The following GHR variants were observed in gnomAD, a reference collection of about 807,000 sequenced individuals.
The protein encoded by GHR is growth hormone receptor, also known as GH receptor.
Under a neutral mutation model 67.1 loss-of-function variants are expected in GHR, and 35 were observed. The ratio of observed to expected loss-of-function variants is 0.52; its 90% confidence interval spans 0.40 to 0.69. The LOEUF is 0.69. Ranked by LOEUF, GHR falls within the 30% of genes least tolerant of loss-of-function variation. GHR has a pLI of 0.00. For synonymous variants in GHR, 272 were observed against 269.1 expected (o/e 1.01, Z -0.10); for missense variants, 792 against 764.6 (o/e 1.04, Z -0.42).
At chr5:42,483,950 C>G (rs562793482) in intron 1 of GHR, among the ~76,000 whole-genome samples, 1 of 152,116 alleles carries the variant, frequency 6.6e-6, no homozygotes, top group Non-Finnish European at 1.5e-5. Context: ...GTGCTTAGAA[C>G]CAGCCTACTG....
At chr5:42,509,879 G>T (rs1011547209) in intron 1 of GHR, among the ~76,000 whole-genome samples, 1 of 152,192 alleles carries the variant, frequency 6.6e-6, no homozygotes. Flanking sequence ...TGGAAAATCA[G>T]TATCTGATGG....
intron 3 of GHR, among the ~76,000 whole-genome samples, chr5:42,683,086 C>T (rs1756968253): frequency 6.6e-6 from 1 of 152,118 alleles, no homozygotes; most frequent in Non-Finnish European, 1.5e-5. Flanking sequence ...ACTGCAAACT[C>T]CGCTTCCCAG....
At chr5:42,573,189 T>A (rs1370848608) in intron 2 of GHR, among the ~76,000 whole-genome samples, 1 of 152,188 alleles carries the variant, frequency 6.6e-6, no homozygotes, top group Non-Finnish European at 1.5e-5. Context: ...GACCTTTGAT[T>A]TCCTCAGTTC....
At position 42,660,361 on chromosome 5, in the gene GHR, C is replaced by T. The variant is rs1338155720; in HGVS notation, c.137-28529C>T. ...AGCAGCCTAACTGGGAGACACCCCT[C>T]AGTAGGGGCAGACTGACACCTCACA... is the stretch of plus-strand genomic sequence containing the variant. On this transcript the variant is annotated intron_variant, in intron 3 of 9. Coordinates refer to ENST00000230882, the MANE Select transcript of GHR (RefSeq NM_000163.5). Among the ~76,000 whole-genome samples, 5 of 152,270 alleles carry T rather than the reference C, an allele frequency of 3.3e-5. No homozygotes were observed. The East Asian group carries it at 9.7e-4, about 29-fold the overall frequency.
chr5:42,495,639 G>A (rs1667892474), intron 1 of GHR, among the ~76,000 whole-genome samples: 1 of 152,078 alleles, frequency 6.6e-6, no homozygotes, highest in Admixed American at 6.6e-5. Flanking sequence ...ACAGACATAT[G>A]GGATGGTAGG....
chr5:42,697,994 G>C (rs1220989469), intron 5 of GHR, among the ~76,000 whole-genome samples: 1 of 152,130 alleles, frequency 6.6e-6, no homozygotes, highest in African/African-American at 2.4e-5. Context: ...ATGTGGATTA[G>C]TGAGGAAAAG....
chr5:42,550,566 C>A (rs1374606364), intron 1 of GHR, among the ~76,000 whole-genome samples: 1 of 152,178 alleles, frequency 6.6e-6, no homozygotes, highest in African/African-American at 2.4e-5. Flanking sequence ...GATTGGTGTT[C>A]TGTCCTGAAC....
intron 1 of GHR, among the ~76,000 whole-genome samples, chr5:42,556,089 G>A (rs954039197): frequency 6.6e-6 from 1 of 151,984 alleles, no homozygotes; most frequent in African/African-American, 2.4e-5. Context: ...TACCTTCAAA[G>A]AATAACTTTA....
At chr5:42,463,875 C>G (rs1313918254) in intron 1 of GHR, among the ~76,000 whole-genome samples, 2 of 147,946 alleles carry the variant, frequency 1.4e-5, no homozygotes, top group African/African-American at 2.5e-5. Flanking sequence ...CGCCTGTAGT[C>G]CCAGCTACTT....
intron 1 of GHR, among the ~76,000 whole-genome samples, chr5:42,439,672 A>G (rs1205525196): frequency 1.3e-5 from 2 of 151,884 alleles, no homozygotes; most frequent in Non-Finnish European, 2.9e-5. Flanking sequence ...TTGGATCATC[A>G]TAAGTCCTTA....
chr5:42,542,773 T>TA (rs886301246), intron 1 of GHR, among the ~76,000 whole-genome samples: 3 of 152,074 alleles, frequency 2.0e-5, no homozygotes, highest in Non-Finnish European at 4.4e-5. Flanking sequence ...CACCTTTTTT[T>TA]ATCCCTCAGC....
At chr5:42,609,993 A>G (rs996310372) in intron 2 of GHR, among the ~76,000 whole-genome samples, 1 of 152,170 alleles carries the variant, frequency 6.6e-6, no homozygotes, top group African/African-American at 2.4e-5. Flanking sequence ...AAGGGCCTTG[A>G]CAGCTAAGGC....
chr5:42,679,917 G>A (rs1561221958), intron 3 of GHR, among the ~76,000 whole-genome samples: 1 of 152,036 alleles, frequency 6.6e-6, no homozygotes, highest in Non-Finnish European at 1.5e-5. Flanking sequence ...GATGTTGAAT[G>A]CAGTAACTTC....
At chr5:42,493,558 A>G (rs1412443545) in intron 1 of GHR, among the ~76,000 whole-genome samples, 3 of 152,142 alleles carry the variant, frequency 2.0e-5, no homozygotes, top group Non-Finnish European at 2.9e-5. Flanking sequence ...TTAACACATA[A>G]TGGGTCATGC....
chr5:42,498,232 C>T (rs934810820), intron 1 of GHR, among the ~76,000 whole-genome samples: 1 of 152,152 alleles, frequency 6.6e-6, no homozygotes, highest in Non-Finnish European at 1.5e-5. Flanking sequence ...AGGTCTGTAC[C>T]AGTTGACACC....
At chr5:42,681,861 G>A (rs1274728262) in intron 3 of GHR, among the ~76,000 whole-genome samples, 5 of 151,382 alleles carry the variant, frequency 3.3e-5, no homozygotes, top group Non-Finnish European at 2.9e-5. Flanking sequence ...GCATGAACCC[G>A]GGAGGCGGAG....
At position 42,424,312 on chromosome 5, in the gene GHR, G is replaced by A. The variant is rs1001552283; in HGVS notation, c.-12+357G>A. ...CTGGCCCGCGAGTAGTGTACGTGGAGGGGTTTACTCCGGAGACAGTTTTGT... is the reference window on the plus strand; with the variant it reads ...CTGGCCCGCGAGTAGTGTACGTGGAAGGGTTTACTCCGGAGACAGTTTTGT... On this transcript the variant is annotated intron_variant, in intron 1 of 9. Coordinates refer to ENST00000230882, the MANE Select transcript of GHR (RefSeq NM_000163.5). This position sits in a 1 kb window ranked among gnomAD's most constrained non-coding sequence, Gnocchi z 4.1. 1 of 534,052 alleles carries A rather than the reference G, an allele frequency of 1.9e-6. No homozygotes were observed. Among genetic ancestry groups the A allele is most frequent in the Non-Finnish European group, 3.4e-6 (1 of 295,312 alleles). The allele number at this position is 534,052 out of a possible 1,614,324, so 33.1% of individuals were successfully genotyped here. A position where few individuals can be genotyped will look rare whatever the true frequency, so the allele number is the denominator to read the frequency against.
intron 3 of GHR, among the ~76,000 whole-genome samples, chr5:42,674,726 A>G (rs1580176022): frequency 6.6e-6 from 1 of 152,142 alleles, no homozygotes; most frequent in East Asian, 1.9e-4. Context: ...GGATTATACC[A>G]CATCTTTTTT....
intron 3 of GHR, among the ~76,000 whole-genome samples, chr5:42,644,960 C>G (rs1754658353): frequency 6.6e-6 from 1 of 152,118 alleles, no homozygotes; most frequent in Non-Finnish European, 1.5e-5. Context: ...ATATGTCTAT[C>G]TCATTTCATT....
Sources: allele counts gnomAD v4.1 joint callset (sites outside exome capture counted in the v4.1 genomes callset), GRCh38; gene constraint gnomAD v4.1.1; non-coding constraint Gnocchi (gnomAD v3.1); transcripts MANE v1.5; gene names NCBI Gene and HGNC (gene_info 2026-07-23, HGNC 2026-07-21).